The following ARAP3 variants were observed in gnomAD, a reference collection of about 807,000 sequenced individuals.
The protein encoded by ARAP3 is arf-GAP with Rho-GAP domain, ANK repeat and PH domain-containing protein 3.
In ARAP3, 82 loss-of-function variants were observed where a neutral mutation model predicts 169.2. The ratio of observed to expected loss-of-function variants is 0.48; its 90% confidence interval spans 0.41 to 0.58. ARAP3 has a LOEUF of 0.58. Among genes scored for constraint, ARAP3 ranks in the 20% least tolerant of loss-of-function variants. The pLI is 0.00. For synonymous variants in ARAP3, 791 were observed against 800.3 expected, an observed-to-expected ratio of 0.99 and a Z score of 0.20; for missense variants, 1,764 against 2,018.0, an observed-to-expected ratio of 0.87 and a Z score of 2.41.
chr5:141,672,167 C>G lies in ARAP3; in HGVS notation c.1520G>C (p.Cys507Ser). The stretch of plus-strand genomic sequence containing the variant: ...AGCCCAATCTGGGCGGGAGGACCCA[C>G]AGTCCGCACACTGCCGGTTGGCCCG... ...SNRANRQCAD[C>S]GSSRPDWAAV... Residue 507 changes from cysteine (C) to serine (S), a missense_variant, in exon 10 of 33, where the codon TGT (cysteine) becomes TCT (serine). Physicochemically the swap from Cys to Ser is moderately radical, Grantham distance 112. This residue lies in a region of ARAP3 where 630 missense variants were observed against 678.7 expected (regional missense o/e 0.93). Transcript: ENST00000239440. The surrounding 1 kb of genome is among the most constrained non-coding windows in gnomAD (Gnocchi z 4.9). 1 of 1,614,210 alleles carries G rather than the reference C, an allele frequency of 6.2e-7. No homozygotes were observed.
Position 141,672,715 on chromosome 5 carries a change from C to G in ARAP3, c.1278+26G>C. On this transcript the variant is annotated intron_variant, in intron 8 of 32. Transcript: ENST00000239440. This position sits in a 1 kb window ranked among gnomAD's most constrained non-coding sequence, Gnocchi z 4.9. ...TGCCAGAAGGGACTAGTTCAGGCCC[C>G]TCAGCCCTGGCCCGGCTCTCCTCAC... 1 of 1,614,148 alleles carries G rather than the reference C, an allele frequency of 6.2e-7. No individual in the cohort carries two copies. The highest frequency in any genetic ancestry group is 1.1e-5 in the South Asian group (1 of 91,078).
intron 4 of ARAP3, among the ~76,000 whole-genome samples, chr5:141,679,109 C>T (rs1038893336): frequency 7.2e-5 from 11 of 151,904 alleles, no homozygotes; most frequent in Admixed American, 5.9e-4. Flanking sequence ...GCCAACATGG[C>T]GAAACCCCAT....
At chr5:141,679,702 G>T in intron 3 of ARAP3, 46 bp from the exon 4 acceptor site, 1 of 1,613,744 alleles carries the variant, frequency 6.2e-7, no homozygotes, top group Non-Finnish European at 8.5e-7. Context: ...AGATCGCTGG[G>T]AGTGTATGAG....
intron 14 of ARAP3, 86 bp downstream of exon 14, chr5:141,670,426 G>A (rs2099911262): frequency 7.2e-7 from 1 of 1,391,064 alleles, no homozygotes; most frequent in Non-Finnish European, 1.0e-6. Context: ...TCCCATCCCA[G>A]CCCTCTCCTC....
Position 141,654,160 on chromosome 5 carries a change from G to C in ARAP3, c.4425C>G (p.Pro1475=), listed in dbSNP as rs61736215. The part of the protein sequence containing the change: ...PPPGPPSKSS[P]QARGSLEEQL... ...GTTCCTCTAGGGACCCCCGTGCCTG[G>C]GGACTGCTCTTTGAAGGGGGGCCTG... The change falls in exon 33 of 33, where the codon CCC becomes CCG. Residue 1475 remains proline, a synonymous_variant. Coordinates refer to ENST00000239440, the MANE Select transcript of ARAP3 (RefSeq NM_022481.6). 1 of 1,612,692 alleles carries C rather than the reference G, an allele frequency of 6.2e-7. No individual in the cohort carries two copies. The highest frequency in any genetic ancestry group is 1.3e-5 in the African/African-American group (1 of 74,956).
chr5:141,666,859 C>G, intron 16 of ARAP3: 2 of 412,138 alleles, frequency 4.9e-6, no homozygotes, highest in Non-Finnish European at 8.5e-6. Flanking sequence ...AAATTCAATT[C>G]AATTCAATTC....
chr5:141,666,201 A>T (rs924157852), intron 17 of ARAP3, among the ~76,000 whole-genome samples: 1 of 152,092 alleles, frequency 6.6e-6, no homozygotes, highest in Non-Finnish European at 1.5e-5. Flanking sequence ...CATTTTAAAG[A>T]TGAGGAAACT....
chr5:141,655,258 A>ACACCC (rs1491503001), intron 32 of ARAP3, 104 bp downstream of exon 32: 2 of 1,109,442 alleles, frequency 1.8e-6, no homozygotes, highest in Non-Finnish European at 1.3e-6. Context: ...ACACACACAC[A>ACACCC]CCCCCTGATG....
In ARAP3 at chr5:141,671,275, G is replaced by C; in HGVS notation, c.1980C>G (p.Leu660=). The change falls in exon 13 of 33, where the codon CTC becomes CTG. Residue 660 remains leucine, a synonymous_variant. Transcript: ENST00000239440. The surrounding 1 kb of genome is among the most constrained non-coding windows in gnomAD (Gnocchi z 4.9). ...PPAPDGSCPG[L]LPSDPSPGVY... is the part of the protein sequence containing the mutation. ...ACTTGGGGGAATGACCTGAGGGCAA[G>C]AGGCCAGGGCAGCTGCCATCAGGGG... is the stretch of plus-strand genomic sequence containing the variant. 1.2e-6 allele frequency: 2 copies of C among 1,606,978 alleles called. No individual in the cohort carries two copies. The highest frequency in any genetic ancestry group is 1.7e-6 in the Non-Finnish European group (2 of 1,176,540).
At position 141,673,882 on chromosome 5, in the gene ARAP3, C is replaced by G. The variant is rs182748049; in HGVS notation, c.699-74G>C. The G allele has an allele frequency of 3.3e-3, 4,598 of 1,396,292 alleles. 21 individuals are homozygous for G. The highest frequency in any genetic ancestry group is 3.3e-3 in the Non-Finnish European group (3,375 of 1,011,972). 86.5% of individuals were successfully genotyped at this position (1,396,292 alleles called of 1,614,324 possible). A position where few individuals can be genotyped will look rare whatever the true frequency, so the allele number is the denominator to read the frequency against. ...GACACCCTCTTTGTACTTTCTCCAT[C>G]CTACTCACATCACCTAAGAATAGAA... On this transcript the variant is annotated intron_variant, in intron 4 of 32. Transcript: ENST00000239440.
At position 141,679,607 on chromosome 5, in the gene ARAP3, C is replaced by T. The variant is rs1263431655; in HGVS notation, c.636G>A (p.Gly212=). The part of the protein sequence containing the change: ...GCLYYGVQPV[G]TPGAPDRRES... ...CTCTTCTGTCGGGGGCTCCTGGAGT[C>T]CCCACAGGTTGGACACCATAGTACA... The change falls in exon 4 of 33, where the codon GGG becomes GGA. Residue 212 remains glycine, a synonymous_variant. Coordinates refer to ENST00000239440, the MANE Select transcript of ARAP3 (RefSeq NM_022481.6). The T allele has an allele frequency of 6.2e-7, 1 of 1,614,136 alleles. No homozygotes were observed. The highest frequency in any genetic ancestry group is 8.5e-7 in the Non-Finnish European group (1 of 1,180,022).
At chr5:141,679,356 T>C (rs1037736162) in intron 4 of ARAP3, among the ~76,000 whole-genome samples, 189 bp downstream of exon 4, 2 of 152,208 alleles carry the variant, frequency 1.3e-5, no homozygotes, top group Non-Finnish European at 2.9e-5. Context: ...TTTGTCTACT[T>C]GTTTTATTCC....
chr5:141,659,737 TA>T (rs1045301790), intron 22 of ARAP3, 41 bp downstream of exon 22: 7 of 1,586,954 alleles, frequency 4.4e-6, no homozygotes, highest in Non-Finnish European at 6.0e-6. Context: ...CCTGCAAGGG[TA>T]GGGGAAAGGG....
chr5:141,675,225 C>A (rs2099912001), intron 4 of ARAP3, among the ~76,000 whole-genome samples: 1 of 152,160 alleles, frequency 6.6e-6, no homozygotes, highest in Non-Finnish European at 1.5e-5. Context: ...AGAGAGGCCT[C>A]CCTTAACTAA....
At position 141,653,917 on chromosome 5, in the gene ARAP3, G is replaced by A. The variant is rs2154598603; in HGVS notation, c.*33C>T. 6.6e-7 allele frequency: 1 copy of A among 1,510,124 alleles called. No individual in the cohort carries two copies. The highest frequency in any genetic ancestry group is 1.4e-5 in the African/African-American group (1 of 71,618). The allele number at this position is 1,510,124 out of a possible 1,614,324, so 93.5% of individuals were successfully genotyped here. On this transcript the variant is annotated 3_prime_UTR_variant, in exon 33 of 33. Transcript: ENST00000239440. ...CACGATAAGAGTTTCTGGGTCTTCT[G>A]GTACCTACCCTCTCAGACTGCTGGT... is the stretch of plus-strand genomic sequence containing the variant.
At position 141,671,701 on chromosome 5, in the gene ARAP3, G is replaced by A. The variant is rs766734498; in HGVS notation, c.1723C>T (p.Leu575=). 1.2e-5 allele frequency: 20 copies of A among 1,611,890 alleles called. No homozygotes were observed. The highest frequency in any genetic ancestry group is 1.7e-5 in the Admixed American group (1 of 59,802). ...DRANRFWAGT[L]PPGEGLHPDA... ...GGATGTAGTCCCTCACCTGGGGGTA[G>A]GGTCCCTGCCCAGAAGCGGTTGGCA... Residue 575 remains leucine, a synonymous_variant, in exon 12 of 33, where the codon CTA becomes TTA. Transcript: ENST00000239440. This position sits in a 1 kb window ranked among gnomAD's most constrained non-coding sequence, Gnocchi z 4.9.
chr5:141,668,943 A>C (rs2099911062), intron 16 of ARAP3, among the ~76,000 whole-genome samples: 1 of 152,206 alleles, frequency 6.6e-6, no homozygotes, highest in Non-Finnish European at 1.5e-5. Flanking sequence ...AAAGGAAGGC[A>C]CCAGGGTGAA....
At chr5:141,680,945 G>C (rs1294349284) in intron 1 of ARAP3, 1 of 162,512 alleles carries the variant, frequency 6.2e-6, no homozygotes, top group African/African-American at 2.4e-5. Context: ...GTAAGGTAGG[G>C]AGAGGGGCAG....
In ARAP3 at chr5:141,666,651, G is replaced by A. The variant is rs1212326184; in HGVS notation, c.2353-8C>T. The A allele has an allele frequency of 7.3e-7, 1 of 1,368,678 alleles. No individual in the cohort carries two copies. The highest frequency in any genetic ancestry group is 2.9e-5 in the East Asian group (1 of 34,588). 84.8% of individuals were successfully genotyped at this position (1,368,678 alleles called of 1,614,324 possible). The stretch of plus-strand genomic sequence containing the variant: ...GCTCAGCGGGGAGAACCACTGTAGA[G>A]GCAGGGGGAGGACAGGAGAAAGGGG... On this transcript the variant is annotated splice_polypyrimidine_tract_variant and splice_region_variant and intron_variant, in intron 16 of 32. Coordinates refer to ENST00000239440, the MANE Select transcript of ARAP3 (RefSeq NM_022481.6).
Sources: gnomAD v4.1 joint callset for allele counts (sites outside exome capture counted in the v4.1 genomes callset) on GRCh38, gnomAD v4.1.1 for gene constraint, gnomAD v4.1.1 regional missense constraint, Gnocchi (gnomAD v3.1) non-coding constraint, MANE v1.5 for transcripts, NCBI Gene and HGNC (gene_info 2026-07-23, HGNC 2026-07-21) for gene names.